CADM1: variants seen among roughly 807,000 people sequenced by gnomAD.
CADM1 encodes cell adhesion molecule 1.
In CADM1, 15 loss-of-function variants were observed where a neutral mutation model predicts 53.1. The observed-to-expected ratio is 0.28, with a 90% CI of 0.19 to 0.44. The LOEUF is 0.44. Among genes scored for constraint, CADM1 ranks in the 20% least tolerant of loss-of-function variants. CADM1 has a pLI of 1.00. For missense variants in CADM1, 434 were observed against 611.3 expected, an observed-to-expected ratio of 0.71 and a Z score of 3.06; for synonymous variants, 281 against 243.0, an observed-to-expected ratio of 1.16 and a Z score of -1.45.
chr11:115,213,232 G>A (rs1156561225), intron 7 of CADM1, among the ~76,000 whole-genome samples: 14 of 152,158 alleles, frequency 9.2e-5, no homozygotes, highest in African/African-American at 2.7e-4. Context: ...TTTCACCCCC[G>A]CCGAGCAGTC....
At chr11:115,294,933 G>A (rs767416861) in intron 1 of CADM1, among the ~76,000 whole-genome samples, 1 of 152,126 alleles carries the variant, frequency 6.6e-6, no homozygotes, top group Non-Finnish European at 1.5e-5. Context: ...AGCTACTCCA[G>A]GAGGCTGAGG....
chr11:115,448,441 TAA>T (rs1948500199), intron 1 of CADM1, among the ~76,000 whole-genome samples: 1 of 152,196 alleles, frequency 6.6e-6, no homozygotes, highest in African/African-American at 2.4e-5. Context: ...TTGTCTGACC[TAA>T]AGACAATGCC....
intron 1 of CADM1, among the ~76,000 whole-genome samples, chr11:115,426,423 G>A (rs976319083): frequency 6.6e-6 from 1 of 152,282 alleles, no homozygotes; most frequent in Admixed American, 6.5e-5. Flanking sequence ...GAGGGTAGGG[G>A]AAGTGGGGTG....
intron 1 of CADM1, among the ~76,000 whole-genome samples, chr11:115,453,921 G>A (rs1033228193): frequency 1.3e-5 from 2 of 152,108 alleles, no homozygotes; most frequent in Admixed American, 6.5e-5. Context: ...TTTGGGAATG[G>A]ATTCACTTAT....
intron 1 of CADM1, among the ~76,000 whole-genome samples, chr11:115,451,011 G>A (rs544104652): frequency 6.1e-4 from 93 of 152,202 alleles, no homozygotes; most frequent in African/African-American, 2.1e-3. Context: ...AAACCTAAAG[G>A]AGCCATTACA....
At chr11:115,303,565 C>T (rs1944289223) in intron 1 of CADM1, among the ~76,000 whole-genome samples, 1 of 151,938 alleles carries the variant, frequency 6.6e-6, no homozygotes. Context: ...TTGCATGGGT[C>T]TCATAGGTCA....
intron 1 of CADM1, among the ~76,000 whole-genome samples, chr11:115,262,794 CTTT>C (rs113040150): frequency 1.4e-5 from 2 of 145,820 alleles, no homozygotes; most frequent in African/African-American, 2.5e-5. Flanking sequence ...CTTGATGGGT[CTTT>C]TTTTTTTTCT....
chr11:115,502,722 G>A (rs1051477335), intron 1 of CADM1, among the ~76,000 whole-genome samples: 2 of 152,126 alleles, frequency 1.3e-5, no homozygotes, highest in Non-Finnish European at 2.9e-5. Flanking sequence ...CTATTTTGGG[G>A]GCAAGCAGCC....
At chr11:115,406,171 G>A (rs1947307948) in intron 1 of CADM1, among the ~76,000 whole-genome samples, 1 of 152,058 alleles carries the variant, frequency 6.6e-6, no homozygotes, top group Admixed American at 6.6e-5. Flanking sequence ...GACCCCATAT[G>A]CTAAAATTAG....
At chr11:115,310,379 G>A (rs1000406862) in intron 1 of CADM1, among the ~76,000 whole-genome samples, 5 of 152,020 alleles carry the variant, frequency 3.3e-5, no homozygotes, top group Non-Finnish European at 5.9e-5. Context: ...GTCAACACTT[G>A]CATCCTGCTA....
chr11:115,228,969 C>T (rs1941716930), intron 5 of CADM1, 144 bp downstream of exon 5: 2 of 846,930 alleles, frequency 2.4e-6, no homozygotes, highest in Non-Finnish European at 3.8e-6. Context: ...TACAATATTT[C>T]AATAAAATAA....
At chr11:115,334,797 A>C (rs1945224170) in intron 1 of CADM1, among the ~76,000 whole-genome samples, 1 of 152,186 alleles carries the variant, frequency 6.6e-6, no homozygotes, top group South Asian at 2.1e-4. Flanking sequence ...TCACATACAA[A>C]GGGGCTCAGT....
intron 1 of CADM1, among the ~76,000 whole-genome samples, chr11:115,258,679 T>C (rs1205902735): frequency 6.6e-6 from 1 of 152,228 alleles, no homozygotes; most frequent in East Asian, 1.9e-4. Context: ...TATTATAACG[T>C]GTTACCAAGA....
chr11:115,401,036 C>T (rs1012396141), intron 1 of CADM1, among the ~76,000 whole-genome samples: 1 of 152,032 alleles, frequency 6.6e-6, no homozygotes, highest in South Asian at 2.1e-4. Flanking sequence ...CACAAAAACC[C>T]GCACGCAGAT....
In CADM1 at chr11:115,214,663, A is replaced by G; in HGVS notation, c.939T>C (p.Cys313=). 1.2e-6 allele frequency: 2 copies of G among 1,614,084 alleles called. No individual in the cohort carries two copies. The highest frequency in any genetic ancestry group is 1.7e-6 in the Non-Finnish European group (2 of 1,179,962). The change falls in exon 7 of 12, where the codon TGT becomes TGC. Residue 313 remains cysteine, a synonymous_variant. Coordinates refer to ENST00000331581, the MANE Select transcript of CADM1 (RefSeq NM_001301043.2). ...LNKTDNGTYR[C]EASNIVGKAH... is the part of the protein sequence containing the mutation. ...CTTTCCCCACTATGTTTGAAGCTTCACAGCGGTATGTACCATTATCTGTTT... is the reference window on the plus strand; with the variant it reads ...CTTTCCCCACTATGTTTGAAGCTTCGCAGCGGTATGTACCATTATCTGTTT...
chr11:115,409,315 G>C (rs186786289), intron 1 of CADM1, among the ~76,000 whole-genome samples: 61 of 152,260 alleles, frequency 4.0e-4, no homozygotes, highest in African/African-American at 1.3e-3. Context: ...ATGCAGCACA[G>C]AGTCACTTTA....
chr11:115,269,280 A>T (rs184159915), intron 1 of CADM1, among the ~76,000 whole-genome samples: 104 of 152,130 alleles, frequency 6.8e-4, no homozygotes, highest in Non-Finnish European at 1.1e-3. Context: ...ATTCCCCCAA[A>T]TCAACATCAG....
intron 10 of CADM1, among the ~76,000 whole-genome samples, chr11:115,185,663 AGTC>A (rs1316387724): frequency 6.6e-6 from 1 of 152,234 alleles, no homozygotes; most frequent in African/African-American, 2.4e-5. Flanking sequence ...AGACACCAGA[AGTC>A]GTGCTTGAGT....
chr11:115,479,197 C>T (rs758386572), intron 1 of CADM1, among the ~76,000 whole-genome samples: 4 of 151,964 alleles, frequency 2.6e-5, no homozygotes, highest in Admixed American at 2.0e-4. Flanking sequence ...ATTTATTCTA[C>T]TCAAAATTAA....
Sources: gnomAD v4.1 joint callset for allele counts (sites outside exome capture counted in the v4.1 genomes callset) on GRCh38, gnomAD v4.1.1 for gene constraint, MANE v1.5 for transcripts, NCBI Gene and HGNC (gene_info 2026-07-23, HGNC 2026-07-21) for gene names.